The following SLC25A21 variants were observed in gnomAD, a reference collection of about 807,000 sequenced individuals.
SLC25A21 encodes solute carrier family 25 member 21.
In SLC25A21, 47 loss-of-function variants were observed where a neutral mutation model predicts 43.8. The observed-to-expected ratio is 1.07, with a 90% CI of 0.85 to 1.37. The LOEUF is 1.37. Among genes scored for constraint, SLC25A21 ranks in the 40% most tolerant of loss-of-function variants. SLC25A21 has a pLI of 0.00. For missense variants in SLC25A21, 352 were observed against 350.2 expected (o/e 1.00, Z -0.04); for synonymous variants, 131 against 121.3 (o/e 1.08, Z -0.52).
chr14:36,848,887 T>C (rs113951397), intron 2 of SLC25A21, among the ~76,000 whole-genome samples: 1 of 152,312 alleles, frequency 6.6e-6, no homozygotes, highest in African/African-American at 2.4e-5. Flanking sequence ...TGTTTTGGTC[T>C]AAGTTTGGGT....
At chr14:36,742,507 G>A (rs1885313970) in intron 3 of SLC25A21, among the ~76,000 whole-genome samples, 1 of 152,076 alleles carries the variant, frequency 6.6e-6, no homozygotes, top group African/African-American at 2.4e-5. Flanking sequence ...GGGTTTCATG[G>A]CTCTGTGATT....
chr14:37,068,768 A>C (rs949414303), intron 1 of SLC25A21, among the ~76,000 whole-genome samples: 2 of 152,252 alleles, frequency 1.3e-5, no homozygotes, highest in African/African-American at 4.8e-5. Flanking sequence ...ACAGGCATAA[A>C]GATCATAAAG....
At chr14:37,058,375 T>C (rs919857805) in intron 1 of SLC25A21, among the ~76,000 whole-genome samples, 1 of 152,232 alleles carries the variant, frequency 6.6e-6, no homozygotes, top group Non-Finnish European at 1.5e-5. Context: ...TATGCAACTA[T>C]TGAAACAGGA....
intron 1 of SLC25A21, among the ~76,000 whole-genome samples, chr14:37,062,062 C>G (rs1369777728): frequency 6.6e-6 from 1 of 152,206 alleles, no homozygotes. Context: ...CTGATAGGTT[C>G]TGCTACATGC....
chr14:36,908,961 A>G (rs373957926), intron 1 of SLC25A21, among the ~76,000 whole-genome samples: 2 of 152,210 alleles, frequency 1.3e-5, no homozygotes, highest in East Asian at 3.9e-4. Flanking sequence ...GTGATAGTTT[A>G]CTTGGAGGCA....
intron 3 of SLC25A21, among the ~76,000 whole-genome samples, chr14:36,766,923 T>C (rs1383811625): frequency 6.6e-6 from 1 of 152,208 alleles, no homozygotes; most frequent in Non-Finnish European, 1.5e-5. Flanking sequence ...CAGTAGTATC[T>C]TCTTCAGCCT....
At chr14:37,141,913 A>G (rs1963578194) in intron 1 of SLC25A21, among the ~76,000 whole-genome samples, 2 of 152,160 alleles carry the variant, frequency 1.3e-5, no homozygotes, top group African/African-American at 4.8e-5. Context: ...AGATAGAGCG[A>G]CGTAAAAAAT....
chr14:36,982,492 A>C (rs992088360), intron 1 of SLC25A21, among the ~76,000 whole-genome samples: 2 of 152,152 alleles, frequency 1.3e-5, no homozygotes, highest in Non-Finnish European at 2.9e-5. Flanking sequence ...AGAATTTTTA[A>C]CCATGAAAGG....
intron 1 of SLC25A21, among the ~76,000 whole-genome samples, chr14:37,095,518 GACAAACAA>G (rs1038995194): frequency 6.6e-6 from 1 of 151,796 alleles, no homozygotes; most frequent in Non-Finnish European, 1.5e-5. Context: ...ACTCCATCTC[GACAAACAA>G]ACAAACAAAT....
chr14:36,899,609 A>T (rs1891345933), intron 1 of SLC25A21, among the ~76,000 whole-genome samples: 1 of 152,208 alleles, frequency 6.6e-6, no homozygotes, highest in Non-Finnish European at 1.5e-5. Flanking sequence ...TGGGTTTGGG[A>T]ACATCAGTAA....
At chr14:37,135,420 G>A (rs888899261) in intron 1 of SLC25A21, among the ~76,000 whole-genome samples, 4 of 151,230 alleles carry the variant, frequency 2.6e-5, no homozygotes, top group Admixed American at 6.6e-5. Context: ...AATAAAAAAC[G>A]TTTTAATAGT....
intron 1 of SLC25A21, among the ~76,000 whole-genome samples, chr14:36,892,151 T>C (rs1267502398): frequency 6.6e-6 from 1 of 152,146 alleles, no homozygotes; most frequent in Non-Finnish European, 1.5e-5. Flanking sequence ...ACACACTCGC[T>C]GGGAATGTAA....
chr14:37,136,716 T>A (rs1963486352), intron 1 of SLC25A21, among the ~76,000 whole-genome samples: 1 of 105,472 alleles, frequency 9.5e-6, no homozygotes, highest in Non-Finnish European at 2.5e-5. Context: ...GGAATATTAT[T>A]CAGCAATTGA....
At chr14:36,951,004 T>A (rs1892797040) in intron 1 of SLC25A21, among the ~76,000 whole-genome samples, 1 of 152,144 alleles carries the variant, frequency 6.6e-6, no homozygotes, top group Admixed American at 6.5e-5. Context: ...TCCTCAGCAA[T>A]GGCTGCAGGA....
At chr14:36,825,047 T>C (rs1442983919) in intron 2 of SLC25A21, among the ~76,000 whole-genome samples, 1 of 152,292 alleles carries the variant, frequency 6.6e-6, no homozygotes, top group Non-Finnish European at 1.5e-5. Context: ...AGACATCACG[T>C]GATCTCATGT....
At chr14:36,779,609 C>CATATATAAATATATATAT (rs1886972290) in intron 3 of SLC25A21, among the ~76,000 whole-genome samples, 1 of 122,484 alleles carries the variant, frequency 8.2e-6, no homozygotes, top group Non-Finnish European at 1.7e-5. Context: ...TATGTGTATA[C>CATATATAAATATATATAT]ATATATATAT....
chr14:36,879,937 G>A (rs954009288), intron 1 of SLC25A21, among the ~76,000 whole-genome samples: 7 of 151,988 alleles, frequency 4.6e-5, no homozygotes, highest in East Asian at 3.9e-4. Context: ...TTTTTCTTCC[G>A]TAAGGACACA....
intron 7 of SLC25A21, among the ~76,000 whole-genome samples, chr14:36,706,809 A>T (rs1257940014): frequency 6.6e-6 from 1 of 152,096 alleles, no homozygotes; most frequent in African/African-American, 2.4e-5. Flanking sequence ...ATAGTCCAAG[A>T]CCCCACCACT....
Position 36,711,394 on chromosome 14 carries a change from A to G in SLC25A21, c.527T>C (p.Leu176Ser). Residue 176 changes from leucine (L) to serine (S), a missense_variant, in exon 7 of 10, where the codon TTG (leucine) becomes TCG (serine). Coordinates refer to ENST00000331299, the MANE Select transcript of SLC25A21 (RefSeq NM_030631.4). Reference sequence around the variant, plus strand: ...CATGTTGAAAACTCCATGTCGTCCCAAAGTTGCAGTTAATCCTTTGTTGAG... The same window carrying G: ...CATGTTGAAAACTCCATGTCGTCCCGAAGTTGCAGTTAATCCTTTGTTGAG... ...QGLNKGLTAT[L>S]GRHGVFNMVY... The G allele has an allele frequency of 6.2e-7, 1 of 1,614,154 alleles. No individual in the cohort carries two copies. Among genetic ancestry groups the G allele is most frequent in the Non-Finnish European group, 8.5e-7 (1 of 1,180,020 alleles).
Sources: allele counts gnomAD v4.1 joint callset (sites outside exome capture counted in the v4.1 genomes callset), GRCh38; gene constraint gnomAD v4.1.1; transcripts MANE v1.5; gene names NCBI Gene and HGNC (gene_info 2026-07-23, HGNC 2026-07-21).